The following ANO10 variants were observed in gnomAD, a reference collection of about 807,000 sequenced individuals.
The protein encoded by ANO10 is anoctamin 10, also known as anoctamin-10.
ANO10 carries 77 observed loss-of-function variants against 74.7 expected under a neutral mutation model. The observed-to-expected ratio is 1.03, with a 90% CI of 0.86 to 1.25. The LOEUF (loss-of-function observed/expected upper bound fraction) is 1.25, where lower values mean the gene tolerates loss of function less well. Among genes scored for constraint, ANO10 ranks in the 50% most tolerant of loss-of-function variants. The probability of loss-of-function intolerance (pLI) is 0.00; values close to 1 mark genes in which losing one functional copy is unlikely to be tolerated. For missense variants in ANO10, 721 were observed against 778.1 expected, an observed-to-expected ratio of 0.93 and a Z score of 0.87; for synonymous variants, 279 against 284.9, an observed-to-expected ratio of 0.98 and a Z score of 0.21.
At chr3:43,541,263 G>A (rs1219037426) in intron 11 of ANO10, among the ~76,000 whole-genome samples, 1 of 152,146 alleles carries the variant, frequency 6.6e-6, no homozygotes, top group East Asian at 1.9e-4. Context: ...ACAACAGATT[G>A]TTTTTCAGAA....
At chr3:43,512,172 G>A (rs1340632596) in intron 11 of ANO10, among the ~76,000 whole-genome samples, 1 of 152,104 alleles carries the variant, frequency 6.6e-6, no homozygotes, top group Non-Finnish European at 1.5e-5. Context: ...TTTAGCTCCT[G>A]TCACCCAACT....
chr3:43,601,863 C>A (rs1195525900), intron 2 of ANO10, among the ~76,000 whole-genome samples: 1 of 152,040 alleles, frequency 6.6e-6, no homozygotes, highest in Non-Finnish European at 1.5e-5. Context: ...AGGTACCCCA[C>A]TCCACCAGCT....
chr3:43,609,778 A>G (rs908745296), intron 1 of ANO10, among the ~76,000 whole-genome samples: 4 of 152,248 alleles, frequency 2.6e-5, no homozygotes, highest in African/African-American at 4.8e-5. Flanking sequence ...ATGTATTTGT[A>G]TATCTAAACA....
At chr3:43,671,075 C>T (rs1261599132) in intron 1 of ANO10, among the ~76,000 whole-genome samples, 1 of 151,962 alleles carries the variant, frequency 6.6e-6, no homozygotes, top group East Asian at 1.9e-4. Flanking sequence ...CTCTGATTTC[C>T]CATTTATATG....
At chr3:43,691,334 A>C (rs533982155) in intron 1 of ANO10, 4 of 247,520 alleles carry the variant, frequency 1.6e-5, no homozygotes. Context: ...TGTATAAGCC[A>C]CCCCGCGGGC....
intron 11 of ANO10, among the ~76,000 whole-genome samples, chr3:43,458,708 G>T (rs369714968): frequency 1.8e-4 from 27 of 152,206 alleles, no homozygotes; most frequent in East Asian, 1.5e-3. Flanking sequence ...TGTTATATAG[G>T]TATACATGTG....
intron 1 of ANO10, among the ~76,000 whole-genome samples, chr3:43,641,873 G>A (rs1335809842): frequency 6.6e-6 from 1 of 152,102 alleles, no homozygotes; most frequent in Non-Finnish European, 1.5e-5. Context: ...CCAGGTGCAG[G>A]AAAAGGGATT....
At chr3:43,576,584 AAG>A in intron 6 of ANO10, 106 bp downstream of exon 6, 1 of 1,203,634 alleles carries the variant, frequency 8.3e-7, no homozygotes, top group Middle Eastern at 1.9e-4. Flanking sequence ...ATAATGAGCC[AAG>A]AGCAACATCT....
chr3:43,638,005 A>C (rs1221817138), intron 1 of ANO10, among the ~76,000 whole-genome samples: 1 of 152,248 alleles, frequency 6.6e-6, no homozygotes, highest in African/African-American at 2.4e-5. Flanking sequence ...GGAAATGTGC[A>C]TATTTATCTT....
At chr3:43,491,421 C>T (rs1057185550) in intron 11 of ANO10, among the ~76,000 whole-genome samples, 5 of 152,008 alleles carry the variant, frequency 3.3e-5, no homozygotes, top group African/African-American at 9.7e-5. Context: ...GGCTGCGGCA[C>T]GAGAATCGCT....
At chr3:43,668,395 T>G (rs2084017969) in intron 1 of ANO10, among the ~76,000 whole-genome samples, 1 of 152,156 alleles carries the variant, frequency 6.6e-6, no homozygotes, top group Non-Finnish European at 1.5e-5. Context: ...TTCTGCTGAT[T>G]ATTTCTTTTG....
At chr3:43,642,441 ATAAT>A (rs1163905141) in intron 1 of ANO10, among the ~76,000 whole-genome samples, 1 of 152,214 alleles carries the variant, frequency 6.6e-6, no homozygotes, top group Non-Finnish European at 1.5e-5. Flanking sequence ...TTATGAGTGT[ATAAT>A]TAAAGTACTG....
intron 11 of ANO10, among the ~76,000 whole-genome samples, chr3:43,517,473 A>G (rs1187431271): frequency 6.6e-6 from 1 of 152,122 alleles, no homozygotes; most frequent in Non-Finnish European, 1.5e-5. Flanking sequence ...CAAGAAGGTA[A>G]TTAAAGTTGA....
chr3:43,663,426 C>G (rs1006056116), intron 1 of ANO10, among the ~76,000 whole-genome samples: 2 of 152,174 alleles, frequency 1.3e-5, no homozygotes, highest in Non-Finnish European at 2.9e-5. Context: ...AAACCCACAG[C>G]CAATATCATA....
rs1358931129 is a variant in ANO10 at position 43,402,618 on chromosome 3, C to T, written c.1914+29993G>A. Among the ~76,000 whole-genome samples, 3 of 152,068 alleles carry T rather than the reference C, an allele frequency of 2.0e-5. No individual in the cohort carries two copies. In the South Asian group the frequency reaches 6.2e-4, roughly 32 times the overall value. ...GGCTACAGGCTGAAGGAATCCTGGT[C>T]TTTTCCCAGGTCATCCCTTCTTCTG... On this transcript the variant is annotated intron_variant, in intron 12 of 12. Transcript: ENST00000292246.
At chr3:43,571,338 T>C (rs1260801583) in intron 7 of ANO10, among the ~76,000 whole-genome samples, 1 of 152,116 alleles carries the variant, frequency 6.6e-6, no homozygotes, top group Non-Finnish European at 1.5e-5. Flanking sequence ...TTACTGAGTA[T>C]ATACCCAAAG....
At chr3:43,553,823 C>G (rs528521915) in intron 10 of ANO10, among the ~76,000 whole-genome samples, 2 of 152,326 alleles carry the variant, frequency 1.3e-5, no homozygotes, top group Non-Finnish European at 2.9e-5. Context: ...GCGTGAGCCA[C>G]AGCACCCAGC....
At chr3:43,584,745 A>T (rs961805447) in intron 4 of ANO10, among the ~76,000 whole-genome samples, 8 of 152,174 alleles carry the variant, frequency 5.3e-5, no homozygotes, top group African/African-American at 1.9e-4. Flanking sequence ...TTTACGTGAC[A>T]AAACTTGGTA....
chr3:43,554,971 G>C (rs1439036301), intron 10 of ANO10, among the ~76,000 whole-genome samples: 1 of 152,182 alleles, frequency 6.6e-6, no homozygotes, highest in African/African-American at 2.4e-5. Flanking sequence ...AGCAGAGAGG[G>C]TCTCATTAAT....
Sources: gnomAD v4.1 joint callset for allele counts (sites outside exome capture counted in the v4.1 genomes callset) on GRCh38, gnomAD v4.1.1 for gene constraint, MANE v1.5 for transcripts, NCBI Gene and HGNC (gene_info 2026-07-23, HGNC 2026-07-21) for gene names.